The following STK32B variants were observed in gnomAD, a reference collection of about 807,000 sequenced individuals.
The protein encoded by STK32B is serine/threonine-protein kinase 32B.
STK32B carries 43 observed loss-of-function variants against 52.6 expected under a neutral mutation model. The ratio of observed to expected loss-of-function variants is 0.82; its 90% CI spans 0.64 to 1.05. The LOEUF (loss-of-function observed/expected upper bound fraction) is 1.05, where lower values mean the gene tolerates loss of function less well. STK32B is among the 50% of genes least tolerant of loss of function. The pLI, the probability that STK32B is intolerant of heterozygous loss-of-function variation, is 0.00. For missense variants in STK32B, 621 were observed against 534.6 expected (o/e 1.16, Z -1.59); for synonymous variants, 238 against 204.3 (o/e 1.17, Z -1.41).
At chr4:5,401,093 G>T (rs553289735) in intron 5 of STK32B, among the ~76,000 whole-genome samples, 245 of 152,240 alleles carry the variant, frequency 1.6e-3, no homozygotes, top group Non-Finnish European at 2.7e-3. Flanking sequence ...AACAAGAGGG[G>T]AATGGCTGTT....
chr4:5,247,815 T>C (rs878982245), intron 3 of STK32B, among the ~76,000 whole-genome samples: 1 of 152,212 alleles, frequency 6.6e-6, no homozygotes. Flanking sequence ...TTGCTTTTTT[T>C]GTTTCTTTTT....
chr4:5,367,069 T>C (rs1388944437), intron 4 of STK32B, among the ~76,000 whole-genome samples: 3 of 152,124 alleles, frequency 2.0e-5, no homozygotes, highest in East Asian at 1.9e-4. Context: ...CTTCTCTCCA[T>C]GTTTAGATTT....
intron 3 of STK32B, among the ~76,000 whole-genome samples, chr4:5,310,952 C>T (rs1034664538): frequency 6.6e-6 from 1 of 152,096 alleles, no homozygotes; most frequent in African/African-American, 2.4e-5. Context: ...AAGAAAATGT[C>T]ACATATTCTC....
chr4:5,311,334 G>A (rs953358074), intron 3 of STK32B, among the ~76,000 whole-genome samples: 4 of 151,982 alleles, frequency 2.6e-5, no homozygotes, highest in African/African-American at 9.7e-5. Context: ...ATATCACACA[G>A]TACCTCGTAA....
At chr4:5,276,384 G>A (rs963146158) in intron 3 of STK32B, among the ~76,000 whole-genome samples, 26 of 152,074 alleles carry the variant, frequency 1.7e-4, no homozygotes, top group Non-Finnish European at 2.1e-4. Flanking sequence ...TCCTACTTTG[G>A]GGAGGTCAGC....
Position 5,314,900 on chromosome 4 carries a change from G to T in STK32B, c.261-16320G>T, listed in dbSNP as rs575167306. Among the ~76,000 whole-genome samples, 26 of 152,156 alleles carry T rather than the reference G, an allele frequency of 1.7e-4. No homozygotes were observed. In the South Asian group the frequency reaches 5.4e-3, roughly 32 times the overall value. On this transcript the variant is annotated intron_variant, in intron 3 of 11. Transcript: ENST00000282908. Reference sequence around the variant, plus strand: ...ATATAACATTGATAGAAAAAGAGAAGAATGAAGAGCTAAGTGAAGAGTCTT... The same window carrying T: ...ATATAACATTGATAGAAAAAGAGAATAATGAAGAGCTAAGTGAAGAGTCTT...
intron 3 of STK32B, among the ~76,000 whole-genome samples, chr4:5,195,286 T>C (rs1721551566): frequency 6.6e-6 from 1 of 152,112 alleles, no homozygotes; most frequent in African/African-American, 2.4e-5. Context: ...CACATAGAAG[T>C]AAGGAAATGA....
At chr4:5,143,644 G>A (rs763260477) in intron 2 of STK32B, among the ~76,000 whole-genome samples, 3 of 151,982 alleles carry the variant, frequency 2.0e-5, no homozygotes, top group South Asian at 2.1e-4. Context: ...CCTTCCTCTC[G>A]CCTCCACTGT....
intron 6 of STK32B, 88 bp from the exon 7 acceptor site, chr4:5,446,585 C>A: frequency 2.8e-6 from 3 of 1,067,748 alleles, no homozygotes; most frequent in Non-Finnish European, 4.1e-6. Context: ...AAAAAACAAG[C>A]TCAATTTCTC....
chr4:5,274,912 C>T (rs140295227), intron 3 of STK32B, among the ~76,000 whole-genome samples: 2,647 of 152,298 alleles, frequency 0.017, 41 homozygotes, highest in East Asian at 0.071. Flanking sequence ...CACTCCTGAT[C>T]GGGCTAAAGG....
intron 7 of STK32B, among the ~76,000 whole-genome samples, chr4:5,448,779 C>A (rs761252853): frequency 6.6e-6 from 1 of 152,182 alleles, no homozygotes; most frequent in African/African-American, 2.4e-5. Flanking sequence ...CCACCTGTTA[C>A]GTACTACTGT....
chr4:5,029,362 G>T, the STK32B span, among the ~76,000 whole-genome samples: 2 of 152,238 alleles, frequency 1.3e-5, no homozygotes, highest in Non-Finnish European at 2.9e-5. Flanking sequence ...AAAACAGTAA[G>T]TGTTGCAGGC....
intron 3 of STK32B, among the ~76,000 whole-genome samples, chr4:5,275,878 A>G (rs1727785326): frequency 6.6e-6 from 1 of 151,904 alleles, no homozygotes; most frequent in Non-Finnish European, 1.5e-5. Flanking sequence ...AGTATTTTAA[A>G]CAGAACCTAT....
intron 2 of STK32B, among the ~76,000 whole-genome samples, chr4:5,167,551 G>C (rs1718974159): frequency 6.6e-6 from 1 of 152,188 alleles, no homozygotes; most frequent in Admixed American, 6.5e-5. Context: ...GAGGCAGAAA[G>C]AACACAGAGA....
intron 1 of STK32B, among the ~76,000 whole-genome samples, chr4:5,060,085 G>C (rs1055068241): frequency 2.0e-5 from 3 of 152,148 alleles, no homozygotes; most frequent in African/African-American, 4.8e-5. Context: ...TCCTGCCTCG[G>C]CCTCCCGAGT....
At chr4:5,433,526 G>T (rs532361092) in intron 6 of STK32B, among the ~76,000 whole-genome samples, 2 of 152,220 alleles carry the variant, frequency 1.3e-5, no homozygotes, top group South Asian at 4.1e-4. Flanking sequence ...AGTCCCAGCT[G>T]GGCCAGAAGT....
At chr4:5,128,507 T>A (rs919650553) in intron 1 of STK32B, among the ~76,000 whole-genome samples, 1 of 152,202 alleles carries the variant, frequency 6.6e-6, no homozygotes. Flanking sequence ...GCTTATAGAT[T>A]CAGTGTTTTT....
intron 3 of STK32B, among the ~76,000 whole-genome samples, chr4:5,278,293 C>G (rs1381422549): frequency 1.3e-5 from 2 of 152,184 alleles, no homozygotes; most frequent in African/African-American, 4.8e-5. Flanking sequence ...TTCTGAAAAC[C>G]AGAGCATTAA....
At chr4:5,413,078 G>A (rs1711842327) in intron 5 of STK32B, among the ~76,000 whole-genome samples, 1 of 152,034 alleles carries the variant, frequency 6.6e-6, no homozygotes, top group South Asian at 2.1e-4. Flanking sequence ...CCTGTTGACA[G>A]CTTGCTTTCC....
Sources: allele counts gnomAD v4.1 joint callset (sites outside exome capture counted in the v4.1 genomes callset), GRCh38; gene constraint gnomAD v4.1.1; transcripts MANE v1.5; gene names NCBI Gene and HGNC (gene_info 2026-07-23, HGNC 2026-07-21).